The following ARHGEF11 variants were observed in gnomAD, a reference collection of about 807,000 sequenced individuals.
The protein encoded by ARHGEF11 is Rho guanine nucleotide exchange factor 11, also known as Rho guanine exchange factor (GEF) 11.
A neutral mutation model predicts 193.7 loss-of-function variants in ARHGEF11; 55 were observed. That is an observed-to-expected ratio of 0.28 (90% CI 0.23 to 0.36). The LOEUF (loss-of-function observed/expected upper bound fraction) is 0.36. ARHGEF11 is among the 10% of genes least tolerant of loss of function. The probability of loss-of-function intolerance (pLI) is 1.00; values close to 1 mark genes in which losing one functional copy is unlikely to be tolerated. For synonymous variants in ARHGEF11, 693 were observed against 768.0 expected (o/e 0.90, Z 1.62); for missense variants, 1,723 against 2,005.6 (o/e 0.86, Z 2.69).
intron 1 of ARHGEF11, among the ~76,000 whole-genome samples, chr1:157,007,899 G>GTTTTTTTTTTT (rs11290114): frequency 2.3e-5 from 3 of 128,948 alleles, no homozygotes; most frequent in Non-Finnish European, 1.6e-5. Flanking sequence ...GAAGGCAAAG[G>GTTTTTTTTTTT]TTTTTTTTTT....
At chr1:156,984,638 C>T (rs1488935575) in intron 2 of ARHGEF11, among the ~76,000 whole-genome samples, 1 of 152,180 alleles carries the variant, frequency 6.6e-6, no homozygotes, top group Non-Finnish European at 1.5e-5. Flanking sequence ...TATAACTTAA[C>T]TTTGTATTCC....
chr1:157,025,662 G>A (rs1224351342), intron 1 of ARHGEF11, among the ~76,000 whole-genome samples: 2 of 152,098 alleles, frequency 1.3e-5, no homozygotes, highest in Non-Finnish European at 1.5e-5. Flanking sequence ...ACAGATGAGC[G>A]GGCTCCCCTG....
rs1287340094 is a variant in ARHGEF11, at chr1:156,935,148, C to CTCCG, written c.*848_*851dup. 2 of 152,546 alleles carry CTCCG rather than the reference C, an allele frequency of 1.3e-5. No homozygotes were observed. The highest frequency in any genetic ancestry group is 4.8e-5 in the African/African-American group (2 of 41,396). The allele number at this position is 152,546 out of a possible 1,614,324, so 9.4% of individuals were successfully genotyped here. A position where few individuals can be genotyped will look rare whatever the true frequency, so the allele number is the denominator to read the frequency against. On this transcript the variant is annotated 3_prime_UTR_variant, in exon 41 of 41. Transcript: ENST00000368194. ...CCACCTCCTGGGGCCCAGTCCTCAG[C>CTCCG]TCCGTACCTGCTTCACTGGTTTTCT...
At position 156,946,114 on chromosome 1, in the gene ARHGEF11, T is replaced by C; in HGVS notation, c.2743A>G (p.Ile915Val). 3 of 1,613,640 alleles carry C rather than the reference T, an allele frequency of 1.9e-6. No individual in the cohort carries two copies. The highest frequency in any genetic ancestry group is 2.5e-6 in the Non-Finnish European group (3 of 1,179,964). ...GTGAGCCGCTGCATCTCAGAGATGA[T>C]GAGGTCTCTCAGCTGCAGCCGCCGA... ...QCRRLQLRDLIISEMQRLTKY... is the reference protein window; with the variant it reads ...QCRRLQLRDLVISEMQRLTKY... Residue 915 changes from isoleucine to valine, a missense_variant, in exon 29 of 41, where the codon ATC becomes GTC. By Grantham distance (29) the Ile-to-Val change is conservative (BLOSUM62 3). Coordinates refer to ENST00000368194, the MANE Select transcript of ARHGEF11 (RefSeq NM_198236.3).
Position 156,956,429 on chromosome 1 carries a change from C to T in ARHGEF11, c.1662G>A (p.Lys554=). Residue 554 remains lysine, a synonymous_variant, in exon 19 of 41, where the codon AAG becomes AAA. Transcript: ENST00000368194. ...CATGCCCGGCCCTCACCTTCTTGGT[C>T]TTAGGGAAGAACGGTAGCCACTTGT... is the stretch of plus-strand genomic sequence containing the variant. The part of the protein sequence containing the change: ...DKDKWLPFFP[K]TKKSSNSKKE... 1 of 1,614,092 alleles carries T rather than the reference C, an allele frequency of 6.2e-7. No individual in the cohort carries two copies. Among genetic ancestry groups the T allele is most frequent in the Non-Finnish European group, 8.5e-7 (1 of 1,180,002 alleles).
At chr1:157,001,061 T>C (rs562446277) in intron 1 of ARHGEF11, among the ~76,000 whole-genome samples, 1 of 152,308 alleles carries the variant, frequency 6.6e-6, no homozygotes, top group South Asian at 2.1e-4. Context: ...CCTTCCTCAA[T>C]GAACTCTCGA....
intron 1 of ARHGEF11, among the ~76,000 whole-genome samples, chr1:157,024,127 T>A (rs549386868): frequency 6.6e-6 from 1 of 152,180 alleles, no homozygotes; most frequent in African/African-American, 2.4e-5. Flanking sequence ...TGATACATGC[T>A]ACACCACAAT....
chr1:156,938,543 G>C (rs755043587), intron 37 of ARHGEF11, 30 bp from the exon 38 acceptor site: 1 of 1,603,534 alleles, frequency 6.2e-7, no homozygotes, highest in South Asian at 1.1e-5. Flanking sequence ...ACCAGGAAGA[G>C]GAGAGACCAA....
chr1:157,043,821 T>C (rs910629666), intron 1 of ARHGEF11, among the ~76,000 whole-genome samples: 4 of 152,220 alleles, frequency 2.6e-5, no homozygotes, highest in African/African-American at 9.6e-5. Context: ...TCTTCATTTC[T>C]AGAAATGGGA....
intron 13 of ARHGEF11, 21 bp from the exon 14 acceptor site, chr1:156,961,796 G>T: frequency 6.2e-7 from 1 of 1,607,034 alleles, no homozygotes; most frequent in Non-Finnish European, 8.5e-7. Flanking sequence ...AGAGAACTGG[G>T]TTAGAGCAGT....
chr1:156,941,960 C>T lies in ARHGEF11; in HGVS notation c.3356G>A (p.Arg1119Gln), dbSNP rs372927162. Residue 1119 changes from arginine (R) to glutamine (Q), a missense_variant, in exon 34 of 41, where the codon CGG becomes CAG. By Grantham distance (43) the Arg-to-Gln change is conservative (BLOSUM62 1). Transcript: ENST00000368194. ...TWMELLEEAV[R>Q]NATRHPGAAP... ...AGCTCCGGGGTGCCTGGTGGCATTC[C>T]GCACGGCCTCTTCTAAGAGCTCCAT... The T allele has an allele frequency of 4.9e-5, 79 of 1,613,976 alleles. No individual in the cohort carries two copies. The highest frequency in any genetic ancestry group is 1.1e-4 in the East Asian group (5 of 44,888).
chr1:156,959,152 G>A lies in ARHGEF11; in HGVS notation c.1283-10C>T, dbSNP rs1223249924. On this transcript the variant is annotated splice_polypyrimidine_tract_variant and intron_variant, in intron 15 of 40. Coordinates refer to ENST00000368194, the MANE Select transcript of ARHGEF11 (RefSeq NM_198236.3). Reference sequence around the variant, plus strand: ...TTCCGCAGGCGCGAGTCTGTAGTGGGAGATCAGAGAAAGCAGAGTGGATGG... The same window carrying A: ...TTCCGCAGGCGCGAGTCTGTAGTGGAAGATCAGAGAAAGCAGAGTGGATGG... The A allele has an allele frequency of 6.2e-7, 1 of 1,613,314 alleles. No individual in the cohort carries two copies. The highest frequency in any genetic ancestry group is 2.2e-5 in the East Asian group (1 of 44,852).
At chr1:156,939,946 G>A (rs1425382070) in intron 36 of ARHGEF11, 36 bp from the exon 37 acceptor site, 3 of 1,591,040 alleles carry the variant, frequency 1.9e-6, no homozygotes, top group East Asian at 2.2e-5. Flanking sequence ...TCCCAGCATG[G>A]GACTGCACAC....
In ARHGEF11 at chr1:156,980,521, A is replaced by C. The variant is rs369129713; in HGVS notation, c.224-35T>G. 1.9e-5 allele frequency: 30 copies of C among 1,570,496 alleles called. No homozygotes were observed. In the African/African-American group the frequency reaches 2.4e-4, roughly 13 times the overall value. On this transcript the variant is annotated intron_variant, in intron 3 of 40. Coordinates refer to ENST00000368194, the MANE Select transcript of ARHGEF11 (RefSeq NM_198236.3). ...GAAGGCCTGGTCAGCAGTGCCCAAC[A>C]ACCTCTTCCACTGAAGCTACACGAA... is the stretch of plus-strand genomic sequence containing the variant.
intron 1 of ARHGEF11, among the ~76,000 whole-genome samples, chr1:157,033,068 T>C (rs1671488179): frequency 6.6e-6 from 1 of 152,190 alleles, no homozygotes; most frequent in African/African-American, 2.4e-5. Context: ...CTGCTCCGTC[T>C]AGGTGTTGAT....
intron 31 of ARHGEF11, 26 bp from the exon 32 acceptor site, chr1:156,944,128 T>A: frequency 6.2e-7 from 1 of 1,606,446 alleles, no homozygotes; most frequent in Non-Finnish European, 8.5e-7. Context: ...CATGGGAAGG[T>A]GTTCCCTGGT....
intron 22 of ARHGEF11, among the ~76,000 whole-genome samples, chr1:156,949,506 C>T (rs1325175355): frequency 6.6e-6 from 1 of 152,178 alleles, no homozygotes; most frequent in Non-Finnish European, 1.5e-5. Flanking sequence ...GTCTCGGTCT[C>T]CATTCATTGT....
chr1:157,030,265 G>A (rs1271676017), intron 1 of ARHGEF11, among the ~76,000 whole-genome samples: 1 of 152,140 alleles, frequency 6.6e-6, no homozygotes, highest in African/African-American at 2.4e-5. Context: ...TAGGGCCCCT[G>A]AGTAGCTTAA....
chr1:157,036,719 T>C (rs1672096431), intron 1 of ARHGEF11, among the ~76,000 whole-genome samples: 1 of 152,220 alleles, frequency 6.6e-6, no homozygotes, highest in African/African-American at 2.4e-5. Flanking sequence ...ATCCACTGTA[T>C]TCAGTAAATT....
Sources: gnomAD v4.1 joint callset for allele counts (sites outside exome capture counted in the v4.1 genomes callset) on GRCh38, gnomAD v4.1.1 for gene constraint, MANE v1.5 for transcripts, NCBI Gene and HGNC (gene_info 2026-07-23, HGNC 2026-07-21) for gene names.